Variants in PBX1 observed in about 807,000 individuals in gnomAD.
PBX1 encodes the protein pre-B-cell leukemia transcription factor 1.
A neutral mutation model predicts 53.4 loss-of-function variants in PBX1; 6 were observed. The ratio of observed to expected loss-of-function variants is 0.11; its 90% CI spans 0.06 to 0.22. The LOEUF (loss-of-function observed/expected upper bound fraction) is 0.22, where lower values mean the gene tolerates loss of function less well. Among genes scored for constraint, PBX1 ranks in the 10% least tolerant of loss-of-function variants. The pLI is 1.00. For synonymous variants in PBX1, 204 were observed against 212.3 expected (o/e 0.96, Z 0.34); for missense variants, 251 against 551.4 (o/e 0.46, Z 5.46).
intron 2 of PBX1, among the ~76,000 whole-genome samples, chr1:164,864,586 A>T (rs1347545215): frequency 2.0e-5 from 3 of 152,134 alleles, no homozygotes; most frequent in Non-Finnish European, 4.4e-5. Flanking sequence ...AACTTCAGGG[A>T]TGGCAGCCAC....
At chr1:164,739,646 T>C (rs1378911849) in intron 2 of PBX1, among the ~76,000 whole-genome samples, 1 of 151,968 alleles carries the variant, frequency 6.6e-6, no homozygotes, top group Non-Finnish European at 1.5e-5. Flanking sequence ...TGATTATACT[T>C]TTTCCCCCTT....
At chr1:164,612,606 A>T (rs763736620) in intron 2 of PBX1, among the ~76,000 whole-genome samples, 2 of 151,950 alleles carry the variant, frequency 1.3e-5, no homozygotes, top group Non-Finnish European at 2.9e-5. Flanking sequence ...GAAAAGTCCC[A>T]TTTTTGTATT....
chr1:164,694,948 A>G (rs915679023), intron 2 of PBX1, among the ~76,000 whole-genome samples: 1 of 152,108 alleles, frequency 6.6e-6, no homozygotes, highest in African/African-American at 2.4e-5. Context: ...AGCCCATCGC[A>G]TCTGAGGCCT....
At chr1:164,726,740 G>A (rs764495906) in intron 2 of PBX1, among the ~76,000 whole-genome samples, 1 of 152,044 alleles carries the variant, frequency 6.6e-6, no homozygotes, top group Non-Finnish European at 1.5e-5. Flanking sequence ...AAGCAGCTCT[G>A]TACCTCACAC....
chr1:164,633,918 A>T (rs1164522559), intron 2 of PBX1, among the ~76,000 whole-genome samples: 1 of 151,886 alleles, frequency 6.6e-6, no homozygotes, highest in Admixed American at 6.6e-5. Flanking sequence ...TATTTTCTTC[A>T]CTCTCCAGCA....
At chr1:164,731,065 A>ATGTG (rs143587236) in intron 2 of PBX1, among the ~76,000 whole-genome samples, 2 of 151,156 alleles carry the variant, frequency 1.3e-5, no homozygotes, top group African/African-American at 4.9e-5. Context: ...TTCCGTGTTT[A>ATGTG]TGTGTGTGTG....
chr1:164,740,746 G>T (rs1665561212), intron 2 of PBX1, among the ~76,000 whole-genome samples: 1 of 152,210 alleles, frequency 6.6e-6, no homozygotes. Context: ...GGAACTTGCA[G>T]TTGGTGTAGA....
At chr1:164,707,448 AGAGAG>A (rs1663499214) in intron 2 of PBX1, among the ~76,000 whole-genome samples, 1 of 150,260 alleles carries the variant, frequency 6.7e-6, no homozygotes, top group Non-Finnish European at 1.5e-5. Flanking sequence ...AGAGAGAGAG[AGAGAG>A]AGAAAGTGCT....
At chr1:164,618,300 G>GT (rs973550136) in intron 2 of PBX1, among the ~76,000 whole-genome samples, 4 of 43,754 alleles carry the variant, frequency 9.1e-5, no homozygotes, top group South Asian at 1.1e-3. Context: ...ATCACGGCGG[G>GT]GGGGGGGGGG....
intron 2 of PBX1, among the ~76,000 whole-genome samples, chr1:164,700,209 G>A (rs1034336447): frequency 1.3e-5 from 2 of 152,134 alleles, no homozygotes; most frequent in African/African-American, 4.8e-5. Flanking sequence ...CTTCAGGCAG[G>A]GAAGCCAGCG....
intron 2 of PBX1, among the ~76,000 whole-genome samples, chr1:164,585,016 A>G (rs574178674): frequency 1.7e-4 from 26 of 152,348 alleles, no homozygotes; most frequent in African/African-American, 6.3e-4. Flanking sequence ...TACTGCTAGT[A>G]ATAATAATAG....
intron 2 of PBX1, among the ~76,000 whole-genome samples, chr1:164,574,234 G>A (rs1467534093): frequency 6.6e-6 from 1 of 152,182 alleles, no homozygotes; most frequent in African/African-American, 2.4e-5. Flanking sequence ...GTGGGCCGAA[G>A]CAGTTCCTTG....
At chr1:164,664,662 A>G (rs2800777) in intron 2 of PBX1, among the ~76,000 whole-genome samples, 151,222 of 152,308 alleles carry the variant, frequency 0.99, 75,078 homozygotes, top group Middle Eastern at 1. Context: ...CCAAGACCGG[A>G]CAAATTCCAA....
At chr1:164,735,079 AGT>A (rs1176623392) in intron 2 of PBX1, among the ~76,000 whole-genome samples, 1 of 152,236 alleles carries the variant, frequency 6.6e-6, no homozygotes, top group Non-Finnish European at 1.5e-5. Context: ...CGTAAGCTAT[AGT>A]GCTCTATAGT....
intron 8 of PBX1, among the ~76,000 whole-genome samples, chr1:164,841,855 G>C (rs146575143): frequency 6.6e-6 from 1 of 152,052 alleles, no homozygotes; most frequent in Admixed American, 6.6e-5. Context: ...TGAGGGGCTG[G>C]AGCACGTGCA....
At chr1:164,841,841 T>G in intron 8 of PBX1, among the ~76,000 whole-genome samples, 1 of 151,986 alleles carries the variant, frequency 6.6e-6, no homozygotes, top group East Asian at 1.9e-4. Flanking sequence ...AGTGACTGGG[T>G]GATTGAGGGG....
chr1:164,847,879 G>A lies in PBX1; in HGVS notation c.*1203G>A. ...GATCATGAGGAAGACCAGGTTTCCA[G>A]TGTAAACTACTCTTGTTCCCACCAC... On this transcript the variant is annotated 3_prime_UTR_variant, in exon 9 of 9. Transcript: ENST00000420696. 3.8e-6 allele frequency: 4 copies of A among 1,055,102 alleles called. No homozygotes were observed. The highest frequency in any genetic ancestry group is 4.6e-6 in the Non-Finnish European group (4 of 872,864). The allele number at this position is 1,055,102 out of a possible 1,614,324, so 65.4% of individuals were successfully genotyped here.
At chr1:164,752,742 T>C (rs1666303189) in intron 2 of PBX1, among the ~76,000 whole-genome samples, 1 of 152,208 alleles carries the variant, frequency 6.6e-6, no homozygotes, top group Admixed American at 6.5e-5. Context: ...GCAATTTTGA[T>C]GTGGATAGGA....
At chr1:164,628,875 G>A (rs1423356542) in intron 2 of PBX1, among the ~76,000 whole-genome samples, 4 of 152,094 alleles carry the variant, frequency 2.6e-5, no homozygotes, top group Non-Finnish European at 4.4e-5. Context: ...CCCTTACACC[G>A]TCACATATTT....
Sources: allele counts gnomAD v4.1 joint callset (sites outside exome capture counted in the v4.1 genomes callset), GRCh38; gene constraint gnomAD v4.1.1; transcripts MANE v1.5; gene names NCBI Gene and HGNC (gene_info 2026-07-23, HGNC 2026-07-21).